The following XPR1 variants were observed in gnomAD, a reference collection of about 807,000 sequenced individuals.
The protein encoded by XPR1 is solute carrier family 53 member 1.
A neutral mutation model predicts 87.5 loss-of-function variants in XPR1; 28 were observed. The observed-to-expected ratio is 0.32, with a 90% CI of 0.24 to 0.44. The LOEUF is 0.44. XPR1 is among the 20% of genes least tolerant of loss of function. XPR1 has a pLI of 1.00. For missense variants in XPR1, 559 were observed against 862.3 expected, an observed-to-expected ratio of 0.65 and a Z score of 4.41; for synonymous variants, 300 against 306.1, an observed-to-expected ratio of 0.98 and a Z score of 0.21.
At chr1:180,741,131 G>A (rs1462384323) in intron 2 of XPR1, among the ~76,000 whole-genome samples, 1 of 152,094 alleles carries the variant, frequency 6.6e-6, no homozygotes, top group Admixed American at 6.5e-5. Flanking sequence ...TTAAATGTTG[G>A]TTGATCCCCT....
intron 1 of XPR1, among the ~76,000 whole-genome samples, chr1:180,669,551 C>T (rs1464218881): frequency 2.6e-5 from 4 of 151,844 alleles, no homozygotes; most frequent in African/African-American, 4.8e-5. Flanking sequence ...TTAGTAGAGA[C>T]GGGTTTCACC....
intron 10 of XPR1, among the ~76,000 whole-genome samples, chr1:180,835,602 A>G (rs1047145077): frequency 6.6e-6 from 1 of 152,182 alleles, no homozygotes; most frequent in Non-Finnish European, 1.5e-5. Context: ...ACGAAAGTTG[A>G]TGAAGCCGAT....
intron 11 of XPR1, among the ~76,000 whole-genome samples, chr1:180,858,896 G>A (rs73044573): frequency 0.043 from 6,540 of 152,136 alleles, 502 homozygotes; most frequent in African/African-American, 0.15. Context: ...TTTTTTGGAG[G>A]ACAGTATTAA....
intron 2 of XPR1, among the ~76,000 whole-genome samples, chr1:180,744,052 A>G (rs1438921053): frequency 6.6e-6 from 1 of 152,092 alleles, no homozygotes; most frequent in Non-Finnish European, 1.5e-5. Flanking sequence ...ATGTCTTAAG[A>G]TTTTTTATGT....
intron 1 of XPR1, among the ~76,000 whole-genome samples, chr1:180,658,378 A>G (rs1240207823): frequency 6.6e-6 from 1 of 152,152 alleles, no homozygotes; most frequent in Non-Finnish European, 1.5e-5. Context: ...ATCTTAGAGG[A>G]AAGGCTTTCA....
intron 1 of XPR1, among the ~76,000 whole-genome samples, chr1:180,659,040 A>G (rs1420650956): frequency 2.6e-5 from 4 of 152,116 alleles, no homozygotes; most frequent in African/African-American, 7.2e-5. Flanking sequence ...TTTTACATCA[A>G]TGTTCATTAG....
At chr1:180,752,320 T>C (rs972106617) in intron 2 of XPR1, among the ~76,000 whole-genome samples, 11 of 152,300 alleles carry the variant, frequency 7.2e-5, no homozygotes, top group African/African-American at 2.6e-4. Flanking sequence ...TATTATGTGG[T>C]TAAATTAGTT....
chr1:180,755,161 C>T (rs142375815), intron 2 of XPR1, among the ~76,000 whole-genome samples: 4 of 152,028 alleles, frequency 2.6e-5, no homozygotes, highest in Non-Finnish European at 4.4e-5. Context: ...TAGCATGTGT[C>T]GATGTATACA....
At chr1:180,787,155 G>GC (rs1423298556) in intron 2 of XPR1, among the ~76,000 whole-genome samples, 1 of 151,568 alleles carries the variant, frequency 6.6e-6, no homozygotes, top group Non-Finnish European at 1.5e-5. Flanking sequence ...TCTGTCTACA[G>GC]TTTTTTTTCT....
Position 180,717,960 on chromosome 1 carries a change from A to G in XPR1, c.121+35549A>G, listed in dbSNP as rs150310823. 3.3e-5 allele frequency among the ~76,000 whole-genome samples: 5 copies of G among 152,364 alleles called. No individual in the cohort carries two copies. In the East Asian group the frequency reaches 9.6e-4, roughly 29 times the overall value. ...TTACATTTAATAGAATTGAATAGAT[A>G]TGAAGTTTAAAAAAATCTGTAGGAT... On this transcript the variant is annotated intron_variant, in intron 2 of 14. Transcript: ENST00000367590.
chr1:180,733,422 T>C (rs1431547630), intron 2 of XPR1, among the ~76,000 whole-genome samples: 17 of 152,204 alleles, frequency 1.1e-4, no homozygotes, highest in Admixed American at 1.1e-3. Context: ...TTGCAGAGTT[T>C]CCTTGTTCAT....
chr1:180,808,285 A>AC (rs1441658076), intron 6 of XPR1, among the ~76,000 whole-genome samples: 1 of 148,728 alleles, frequency 6.7e-6, no homozygotes, highest in Non-Finnish European at 1.5e-5. Flanking sequence ...AATTCCATAT[A>AC]CCAAAAAAAA....
At chr1:180,774,539 C>T (rs1276365199) in intron 2 of XPR1, among the ~76,000 whole-genome samples, 7 of 151,566 alleles carry the variant, frequency 4.6e-5, no homozygotes, top group Admixed American at 2.0e-4. Flanking sequence ...TACAGGCACC[C>T]GCCACCATGC....
At chr1:180,689,740 T>C (rs769190426) in intron 2 of XPR1, among the ~76,000 whole-genome samples, 2 of 152,226 alleles carry the variant, frequency 1.3e-5, no homozygotes, top group Non-Finnish European at 2.9e-5. Flanking sequence ...ATTCATTGAT[T>C]GCGACAAATG....
At chr1:180,864,703 G>T (rs915052057) in intron 12 of XPR1, among the ~76,000 whole-genome samples, 4 of 151,908 alleles carry the variant, frequency 2.6e-5, no homozygotes, top group African/African-American at 9.7e-5. Flanking sequence ...AGACAAGAGG[G>T]GCTGAATTAA....
chr1:180,714,349 T>TTCTCTCTCTCTCTCTC (rs71121047), intron 2 of XPR1, among the ~76,000 whole-genome samples: 15 of 72,144 alleles, frequency 2.1e-4, no homozygotes, highest in South Asian at 6.0e-4. Flanking sequence ...TTTTTCCCTG[T>TTCTCTCTCTCTCTCTC]TCTCTCTCTC....
chr1:180,840,566 G>GTGTGTATATA (rs1258711178), intron 11 of XPR1, among the ~76,000 whole-genome samples: 3 of 136,398 alleles, frequency 2.2e-5, no homozygotes, highest in Non-Finnish European at 4.7e-5. Context: ...GTGTGTGTGT[G>GTGTGTATATA]TATATATATA....
At chr1:180,857,078 C>T (rs1652056845) in intron 11 of XPR1, among the ~76,000 whole-genome samples, 1 of 152,176 alleles carries the variant, frequency 6.6e-6, no homozygotes, top group Non-Finnish European at 1.5e-5. Flanking sequence ...GTATAGATTA[C>T]ATAAAATATA....
chr1:180,846,352 A>G (rs1651683111), intron 11 of XPR1, among the ~76,000 whole-genome samples: 1 of 152,052 alleles, frequency 6.6e-6, no homozygotes, highest in Admixed American at 6.6e-5. Context: ...TAAATAAGGA[A>G]TGTTGTGAGC....
Sources: gnomAD v4.1 joint callset for allele counts (sites outside exome capture counted in the v4.1 genomes callset) on GRCh38, gnomAD v4.1.1 for gene constraint, MANE v1.5 for transcripts, NCBI Gene and HGNC (gene_info 2026-07-23, HGNC 2026-07-21) for gene names.